Variants in ATAD2B observed in about 807,000 individuals in gnomAD.
ATAD2B encodes the protein ATPase family AAA domain-containing protein 2B.
In ATAD2B, 40 loss-of-function variants were observed where a neutral mutation model predicts 167.6. The ratio of observed to expected loss-of-function variants is 0.24; its 90% CI spans 0.19 to 0.31. The LOEUF (loss-of-function observed/expected upper bound fraction) is 0.31. ATAD2B is among the 10% of genes least tolerant of loss of function. The pLI is 1.00. For missense variants in ATAD2B, 1,242 were observed against 1,757.2 expected, an observed-to-expected ratio of 0.71 and a Z score of 5.24; for synonymous variants, 579 against 596.5, an observed-to-expected ratio of 0.97 and a Z score of 0.43.
At chr2:23,813,618 C>T (rs1461060724) in intron 17 of ATAD2B, among the ~76,000 whole-genome samples, 1 of 150,818 alleles carries the variant, frequency 6.6e-6, no homozygotes, top group South Asian at 2.1e-4. Context: ...TGGTGGTGTG[C>T]ACCTGTAGTC....
intron 13 of ATAD2B, among the ~76,000 whole-genome samples, chr2:23,834,587 C>A (rs1689624068): frequency 1.3e-5 from 2 of 150,180 alleles, no homozygotes; most frequent in African/African-American, 2.5e-5. Context: ...CCTTGGCAAC[C>A]AAAAAAAAAA....
intron 18 of ATAD2B, 87 bp downstream of exon 18, chr2:23,810,229 T>A: frequency 8.5e-7 from 1 of 1,180,430 alleles, no homozygotes; most frequent in Non-Finnish European, 1.2e-6. Flanking sequence ...TCTGAAAAAA[T>A]CTTATCTTTA....
At chr2:23,745,011 C>T (rs570997785), downstream of ATAD2B, among the ~76,000 whole-genome samples, 1 of 152,212 alleles carries the variant, frequency 6.6e-6, no homozygotes, top group African/African-American at 2.4e-5. Flanking sequence ...TGAGGCCAGG[C>T]ACGGTTGCTC....
chr2:23,766,177 T>C (rs1677387923), intron 22 of ATAD2B, among the ~76,000 whole-genome samples: 1 of 152,134 alleles, frequency 6.6e-6, no homozygotes, highest in South Asian at 2.1e-4. Flanking sequence ...ACATTGTAGG[T>C]AGATCCAGGA....
At chr2:23,708,619 C>T in the ATAD2B span, 2 of 152,108 alleles carry the variant, frequency 1.3e-5, no homozygotes, top group South Asian at 2.1e-4. Flanking sequence ...TGGAAGCCAA[C>T]GTAATCTTTG....
At chr2:23,897,549 C>T (rs1281679692) in intron 1 of ATAD2B, among the ~76,000 whole-genome samples, 4 of 152,094 alleles carry the variant, frequency 2.6e-5, no homozygotes, top group Non-Finnish European at 4.4e-5. Flanking sequence ...CTTAACCTGT[C>T]CCCCCAAATT....
At chr2:23,755,865 AG>A (rs1675890056) in intron 25 of ATAD2B, among the ~76,000 whole-genome samples, 2 of 152,186 alleles carry the variant, frequency 1.3e-5, no homozygotes, top group Non-Finnish European at 2.9e-5. Context: ...ACCATATGCT[AG>A]GAGTTTTGTT....
intron 13 of ATAD2B, among the ~76,000 whole-genome samples, chr2:23,847,752 C>T (rs988772354): frequency 6.6e-6 from 1 of 151,390 alleles, no homozygotes; most frequent in Non-Finnish European, 1.5e-5. Flanking sequence ...TTTGGGAGAC[C>T]GATGTGGGCG....
At chr2:23,888,791 CAGTA>C (rs1292909982) in intron 2 of ATAD2B, among the ~76,000 whole-genome samples, 1 of 152,050 alleles carries the variant, frequency 6.6e-6, no homozygotes, top group Non-Finnish European at 1.5e-5. Flanking sequence ...ACACAATAAA[CAGTA>C]AGAAAAAAGT....
intron 2 of ATAD2B, among the ~76,000 whole-genome samples, chr2:23,892,802 TTGTC>T (rs1201145358): frequency 1.3e-5 from 2 of 152,154 alleles, no homozygotes; most frequent in Non-Finnish European, 2.9e-5. Flanking sequence ...AAATTTCAAT[TTGTC>T]TGTATCTTAG....
the ATAD2B span, chr2:23,691,847 CCTT>C: frequency 5.8e-6 from 9 of 1,551,282 alleles, no homozygotes; most frequent in African/African-American, 1.4e-5. Flanking sequence ...CAGTTCCACA[CCTT>C]CTGCAAAGTC....
intron 18 of ATAD2B, among the ~76,000 whole-genome samples, chr2:23,803,429 C>T (rs991801337): frequency 1.3e-5 from 2 of 152,058 alleles, no homozygotes; most frequent in African/African-American, 4.8e-5. Context: ...TATTGAAAAC[C>T]TAGAATAGTA....
In ATAD2B at chr2:23,865,995, A is replaced by G. The variant is rs562792363; in HGVS notation, c.1189-1071T>C. 565 of 867,134 alleles carry G rather than the reference A, an allele frequency of 6.5e-4. 1 individual carries two copies. The highest frequency in any genetic ancestry group is 1.2e-3 in the Middle Eastern group (2 of 1,706). The allele number at this position is 867,134 out of a possible 1,614,324, so 53.7% of individuals were successfully genotyped here. ...GGTACTTGAAAATGTTTTACAATGA[A>G]AGTATTACTATGATAGAAAAAGTGA... On this transcript the variant is annotated intron_variant, in intron 10 of 27. Coordinates refer to ENST00000238789, the MANE Select transcript of ATAD2B (RefSeq NM_017552.4).
In ATAD2B at chr2:23,875,837, G is replaced by C. The variant is rs891049771; in HGVS notation, c.969C>G (p.Ser323Arg). ...TCAAAAACAAACCTTACCTAATATGGCTTCTTCTTGCTGGAGATCTATGAA... is the reference window on the plus strand; with the variant it reads ...TCAAAAACAAACCTTACCTAATATGCCTTCTTCTTGCTGGAGATCTATGAA... ...FDIHRSPARR[S>R]HIRRKKHAIH... Residue 323 changes from serine (S) to arginine (R), a missense_variant, in exon 8 of 28, where the codon AGC becomes AGG. Physicochemically the swap from Ser to Arg is moderately radical, Grantham distance 110. Transcript: ENST00000238789. 8 of 1,606,564 alleles carry C rather than the reference G, an allele frequency of 5.0e-6. No individual in the cohort carries two copies. The highest frequency in any genetic ancestry group is 3.3e-4 in the Middle Eastern group (2 of 6,068).
At chr2:23,881,127 T>C (rs1354592704) in intron 6 of ATAD2B, among the ~76,000 whole-genome samples, 2 of 152,158 alleles carry the variant, frequency 1.3e-5, no homozygotes, top group Non-Finnish European at 2.9e-5. Context: ...TAAATAAGAT[T>C]AGTATTCAAA....
At chr2:23,914,751 A>G (rs1200555001) in intron 1 of ATAD2B, among the ~76,000 whole-genome samples, 1 of 151,716 alleles carries the variant, frequency 6.6e-6, no homozygotes, top group Non-Finnish European at 1.5e-5. Context: ...CTGAGGCAGG[A>G]GAATGGCGTG....
At chr2:23,715,107 A>C in the ATAD2B span, among the ~76,000 whole-genome samples, 26 of 152,236 alleles carry the variant, frequency 1.7e-4, no homozygotes, top group Non-Finnish European at 2.9e-4. Context: ...TGACAGCTGC[A>C]AAAGTGTGAC....
At chr2:23,782,721 T>G in intron 22 of ATAD2B, 148 bp downstream of exon 22, 1 of 538,278 alleles carries the variant, frequency 1.9e-6, no homozygotes, top group Non-Finnish European at 3.1e-6. Context: ...ATTATTTTTA[T>G]GTAGGCTATG....
chr2:23,691,452 A>T, the ATAD2B span: 1 of 592,506 alleles, frequency 1.7e-6, no homozygotes, highest in East Asian at 2.8e-5. Context: ...GGACATGCCG[A>T]GTAGTGATAA....
Sources: allele counts gnomAD v4.1 joint callset (sites outside exome capture counted in the v4.1 genomes callset), GRCh38; gene constraint gnomAD v4.1.1; transcripts MANE v1.5; gene names NCBI Gene and HGNC (gene_info 2026-07-23, HGNC 2026-07-21).